Variants in ZC3H12B observed in about 807,000 individuals in gnomAD.
ZC3H12B encodes zinc finger CCCH-type containing 12B.
Under a neutral mutation model 43.9 loss-of-function variants are expected in ZC3H12B, and 7 were observed. The ratio of observed to expected loss-of-function variants is 0.16; its 90% CI spans 0.09 to 0.30. ZC3H12B has a LOEUF of 0.30. Among genes scored for constraint, ZC3H12B ranks in the 10% least tolerant of loss-of-function variants. The pLI, the probability that ZC3H12B is intolerant of heterozygous loss-of-function variation, is 1.00. For missense variants in ZC3H12B, 475 were observed against 670.2 expected, an observed-to-expected ratio of 0.71 and a Z score of 3.22; for synonymous variants, 222 against 241.7, an observed-to-expected ratio of 0.92 and a Z score of 0.76.
the ZC3H12B span, among the ~76,000 whole-genome samples, chrX:65,067,160 G>A: frequency 1.9e-5 from 2 of 106,175 alleles, no homozygotes; most frequent in Non-Finnish European, 3.8e-5. Context: ...GTTCTGTCTC[G>A]CTGGGGTTCC....
At chrX:65,099,780 C>A in the ZC3H12B span, among the ~76,000 whole-genome samples, 10 of 111,368 alleles carry the variant, frequency 9.0e-5, no homozygotes, top group African/African-American at 2.9e-4. Flanking sequence ...TGAGGAAAAA[C>A]CGGCCCAAAA....
the ZC3H12B span, chrX:65,357,004 A>G: frequency 1.9e-6 from 1 of 519,306 alleles, no homozygotes. Flanking sequence ...TATAAAATGG[A>G]TGTTGTTACC....
chrX:65,400,375 T>C (rs1428342484), intron 3 of ZC3H12B, among the ~76,000 whole-genome samples: 1 of 110,951 alleles, frequency 9.0e-6, no homozygotes, highest in Admixed American at 9.6e-5. Flanking sequence ...GGTCATCAGA[T>C]CTATGCCTCA....
At chrX:65,470,492 C>T (rs1308501635) in intron 3 of ZC3H12B, 1 of 110,883 alleles carries the variant, frequency 9.0e-6, no homozygotes, top group Non-Finnish European at 1.9e-5. Context: ...AGGATGGGTT[C>T]TGGACTTAGT....
chrX:65,218,419 A>G, the ZC3H12B span, among the ~76,000 whole-genome samples: 7 of 112,047 alleles, frequency 6.2e-5, 1 homozygote, highest in East Asian at 2.0e-3. Flanking sequence ...GCCTGGTGAA[A>G]GTTCTCAGCC....
chrX:65,093,518 G>T, the ZC3H12B span, among the ~76,000 whole-genome samples: 1 of 112,248 alleles, frequency 8.9e-6, no homozygotes, highest in Non-Finnish European at 1.9e-5. Flanking sequence ...GCTGTGCAAG[G>T]CCTTGAGAGC....
intron 3 of ZC3H12B, among the ~76,000 whole-genome samples, chrX:65,451,951 T>C (rs1466695352): frequency 8.9e-6 from 1 of 112,014 alleles, no homozygotes; most frequent in Non-Finnish European, 1.9e-5. Context: ...AGAGGCTTTA[T>C]TGATTTGGAC....
the ZC3H12B span, among the ~76,000 whole-genome samples, chrX:65,317,048 G>A: frequency 9.0e-6 from 1 of 111,004 alleles, no homozygotes; most frequent in African/African-American, 3.3e-5. Context: ...AAAAGACAAA[G>A]AATGGCATTA....
At chrX:65,257,664 G>A in the ZC3H12B span, among the ~76,000 whole-genome samples, 1 of 109,669 alleles carries the variant, frequency 9.1e-6, no homozygotes, top group East Asian at 2.9e-4. Flanking sequence ...ATAAAAAAGA[G>A]AGGTTGAAAT....
chrX:65,066,120 C>T, the ZC3H12B span, among the ~76,000 whole-genome samples: 1 of 109,738 alleles, frequency 9.1e-6, no homozygotes, highest in African/African-American at 3.3e-5. Context: ...TGTTATTACC[C>T]ATCTTCTCAA....
chrX:65,472,592 T>C (rs1260526099), intron 3 of ZC3H12B, among the ~76,000 whole-genome samples: 2 of 108,254 alleles, frequency 1.8e-5, no homozygotes, highest in Admixed American at 1.0e-4. Flanking sequence ...TTTGAGTTGG[T>C]TTTTGTATAG....
the ZC3H12B span, chrX:65,270,907 C>T: frequency 9.0e-6 from 1 of 111,334 alleles, no homozygotes; most frequent in South Asian, 3.8e-4. Context: ...GCCATCCCCA[C>T]CAGGACTGCT....
At chrX:65,434,043 C>A (rs1425434605) in intron 3 of ZC3H12B, among the ~76,000 whole-genome samples, 1 of 111,927 alleles carries the variant, frequency 8.9e-6, no homozygotes, top group Non-Finnish European at 1.9e-5. Flanking sequence ...TATCCTGATT[C>A]TTTTTCTGAC....
At chrX:65,354,809 A>G in the ZC3H12B span, among the ~76,000 whole-genome samples, 1 of 112,194 alleles carries the variant, frequency 8.9e-6, no homozygotes, top group African/African-American at 3.2e-5. Context: ...AGAATTTCAT[A>G]AAGCATTCAC....
At chrX:65,399,927 C>G (rs1180612109) in intron 3 of ZC3H12B, among the ~76,000 whole-genome samples, 1 of 110,935 alleles carries the variant, frequency 9.0e-6, no homozygotes, top group African/African-American at 3.3e-5. Context: ...ATAAGCCAGG[C>G]AGAAAGACAA....
chrX:65,161,000 G>A, the ZC3H12B span, among the ~76,000 whole-genome samples: 5 of 110,944 alleles, frequency 4.5e-5, no homozygotes, highest in African/African-American at 1.6e-4. Context: ...CTTTATTTCT[G>A]CCTTCATTTT....
At chrX:65,191,675 T>C in the ZC3H12B span, among the ~76,000 whole-genome samples, 1 of 107,764 alleles carries the variant, frequency 9.3e-6, no homozygotes, top group African/African-American at 3.5e-5. Context: ...TTTGTGTCTA[T>C]TTGATTCTTC....
At chrX:65,347,118 C>T in the ZC3H12B span, among the ~76,000 whole-genome samples, 1 of 112,222 alleles carries the variant, frequency 8.9e-6, no homozygotes, top group Non-Finnish European at 1.9e-5. Context: ...CAGGCAGCAA[C>T]CTTTACTGTT....
the ZC3H12B span, among the ~76,000 whole-genome samples, chrX:65,182,149 G>A: frequency 9.0e-6 from 1 of 111,313 alleles, no homozygotes; most frequent in East Asian, 2.8e-4. Flanking sequence ...AAGTAAAACA[G>A]GAACAGAAAG....
Sources: gnomAD v4.1 joint callset for allele counts (sites outside exome capture counted in the v4.1 genomes callset) on GRCh38, gnomAD v4.1.1 for gene constraint, MANE v1.5 for transcripts, NCBI Gene and HGNC (gene_info 2026-07-23, HGNC 2026-07-21) for gene names.